DMD: variants seen among roughly 807,000 people sequenced by gnomAD.
The protein encoded by DMD is mutant dystrophin.
In DMD, 63 loss-of-function variants were observed where a neutral mutation model predicts 330.1. That is an observed-to-expected ratio of 0.19 (90% CI 0.16 to 0.24). DMD has a LOEUF of 0.24. Ranked by LOEUF, DMD falls within the 10% of genes least tolerant of loss-of-function variation. The pLI is 1.00. For missense variants in DMD, 3,344 were observed against 2,684.1 expected (o/e 1.25, Z -5.43); for synonymous variants, 1,223 against 959.8 (o/e 1.27, Z -5.07).
intron 7 of DMD, among the ~76,000 whole-genome samples, chrX:32,762,491 A>T: frequency 9.0e-6 from 1 of 111,658 alleles, no homozygotes; most frequent in Non-Finnish European, 1.9e-5. Flanking sequence ...AGGTAATTTC[A>T]GATAATGATG....
chrX:31,490,271 G>C (rs1407456940), intron 57 of DMD, among the ~76,000 whole-genome samples: 1 of 112,381 alleles, frequency 8.9e-6, no homozygotes, highest in African/African-American at 3.2e-5. Flanking sequence ...ATGTTAGAAT[G>C]AATCACTCTG....
chrX:31,241,249 G>A (rs1418756537), intron 63 of DMD, among the ~76,000 whole-genome samples: 1 of 111,663 alleles, frequency 9.0e-6, no homozygotes, highest in Non-Finnish European at 1.9e-5. Context: ...AAGTATAGCT[G>A]AGGGGCTAAA....
intron 50 of DMD, among the ~76,000 whole-genome samples, chrX:31,802,657 T>C (rs2092123158): frequency 9.0e-6 from 1 of 111,480 alleles, no homozygotes; most frequent in East Asian, 2.8e-4. Context: ...CTACAAAACC[T>C]GAAGAAAGGA....
At chrX:32,428,871 C>G (rs148708708) in intron 29 of DMD, among the ~76,000 whole-genome samples, 6 of 111,679 alleles carry the variant, frequency 5.4e-5, no homozygotes, top group African/African-American at 2.0e-4. Flanking sequence ...CTCGGCCTCT[C>G]AAAGTGCTGG....
At chrX:32,265,169 C>T (rs2097339193) in intron 43 of DMD, among the ~76,000 whole-genome samples, 1 of 111,748 alleles carries the variant, frequency 8.9e-6, no homozygotes, top group South Asian at 3.7e-4. Context: ...TGGGCCGGGC[C>T]CAGAGCCCCC....
intron 48 of DMD, among the ~76,000 whole-genome samples, chrX:31,850,910 A>T (rs1471123261): frequency 1.8e-5 from 2 of 112,535 alleles, no homozygotes; most frequent in Non-Finnish European, 3.8e-5. Flanking sequence ...CCCTGGTCGC[A>T]TATATTGACT....
At chrX:32,668,476 C>T in intron 9 of DMD, among the ~76,000 whole-genome samples, 1 of 111,866 alleles carries the variant, frequency 8.9e-6, no homozygotes, top group Non-Finnish European at 1.9e-5. Context: ...GGGCTTGTTT[C>T]TCAAGTTGGC....
In DMD at chrX:31,520,717, T is replaced by C. The variant is rs190040495; in HGVS notation, c.8218-13264A>G. ...TTTTTTGAGACGGAGTCTTGCTCTG[T>C]TGCCCAGGCTGGAGTGCAGTGGCGC... On this transcript the variant is annotated intron_variant, in intron 55 of 78. Transcript: ENST00000357033. Among the ~76,000 whole-genome samples, 22 of 111,032 alleles carry C rather than the reference T, an allele frequency of 2.0e-4. 2 individuals are homozygous for C. The highest frequency in any genetic ancestry group is 7.2e-4 in the African/African-American group (22 of 30,504).
At chrX:33,070,415 C>G (rs1387556132) in intron 1 of DMD, among the ~76,000 whole-genome samples, 1 of 109,594 alleles carries the variant, frequency 9.1e-6, no homozygotes, top group Non-Finnish European at 1.9e-5. Flanking sequence ...TGTATTTAAA[C>G]AAAAGTTATG....
chrX:32,202,450 C>A (rs1990449445), intron 44 of DMD, among the ~76,000 whole-genome samples: 1 of 111,792 alleles, frequency 8.9e-6, no homozygotes, highest in Non-Finnish European at 1.9e-5. Flanking sequence ...CTCTCGGGTT[C>A]AAGCGATACT....
chrX:32,859,442 T>A (rs1342843003), intron 2 of DMD, among the ~76,000 whole-genome samples: 1 of 101,930 alleles, frequency 9.8e-6, no homozygotes. Context: ...CACTCCGGCC[T>A]TTGTGACGAA....
chrX:31,244,430 T>C (rs1053552713), intron 63 of DMD, among the ~76,000 whole-genome samples: 2 of 112,188 alleles, frequency 1.8e-5, no homozygotes, highest in East Asian at 2.8e-4. Flanking sequence ...AAGTAGCTTG[T>C]TGGACAGAAG....
chrX:32,333,016 G>T (rs1446832549), intron 41 of DMD, among the ~76,000 whole-genome samples: 1 of 111,421 alleles, frequency 9.0e-6, no homozygotes, highest in Non-Finnish European at 1.9e-5. Flanking sequence ...CATTAGAGAA[G>T]TAGGTACTAC....
At chrX:32,926,047 A>C (rs1212225440) in intron 2 of DMD, among the ~76,000 whole-genome samples, 3 of 112,362 alleles carry the variant, frequency 2.7e-5, no homozygotes, top group African/African-American at 9.7e-5. Flanking sequence ...GATTCAACCT[A>C]AATGTCCATC....
At chrX:32,782,181 T>C (rs980207301) in intron 7 of DMD, among the ~76,000 whole-genome samples, 3 of 111,734 alleles carry the variant, frequency 2.7e-5, no homozygotes, top group African/African-American at 9.8e-5. Context: ...CCCTTAACAT[T>C]AAAAAGGTTC....
intron 44 of DMD, among the ~76,000 whole-genome samples, chrX:32,152,784 A>T (rs922943950): frequency 1.8e-5 from 2 of 111,947 alleles, no homozygotes; most frequent in African/African-American, 3.2e-5. Context: ...TCTTAAGAAA[A>T]AGAATGTCCT....
chrX:31,377,891 T>C (rs1320422463), intron 60 of DMD, among the ~76,000 whole-genome samples: 1 of 111,296 alleles, frequency 9.0e-6, no homozygotes, highest in Non-Finnish European at 1.9e-5. Flanking sequence ...GGTCCTTGCC[T>C]TAACTGATGA....
At chrX:33,307,741 C>T (rs990474198) in intron 1 of DMD, among the ~76,000 whole-genome samples, 1 of 111,086 alleles carries the variant, frequency 9.0e-6, no homozygotes, top group Non-Finnish European at 1.9e-5. Context: ...ATTGTAAGTA[C>T]TAATGGTTCC....
chrX:31,675,162 T>C (rs188320592), intron 53 of DMD, among the ~76,000 whole-genome samples: 29 of 112,071 alleles, frequency 2.6e-4, no homozygotes, highest in Admixed American at 2.1e-3. Context: ...ATTACCAATA[T>C]GTTATGGCCG....
Sources: allele counts gnomAD v4.1 joint callset (sites outside exome capture counted in the v4.1 genomes callset), GRCh38; gene constraint gnomAD v4.1.1; transcripts MANE v1.5; gene names NCBI Gene and HGNC (gene_info 2026-07-23, HGNC 2026-07-21).